NKAIN2: variants seen among roughly 807,000 people sequenced by gnomAD.
NKAIN2 encodes sodium/potassium transporting ATPase interacting 2, also known as sodium/potassium-transporting ATPase subunit beta-1-interacting protein 2.
In NKAIN2, 14 loss-of-function variants were observed where a neutral mutation model predicts 32.6. That is an observed-to-expected ratio of 0.43 (90% CI 0.28 to 0.67). The LOEUF is 0.67. NKAIN2 is among the 30% of genes least tolerant of loss of function. The probability of loss-of-function intolerance (pLI) is 0.17; values close to 1 mark genes in which losing one functional copy is unlikely to be tolerated. For missense variants in NKAIN2, 198 were observed against 258.3 expected, an observed-to-expected ratio of 0.77 and a Z score of 1.60; for synonymous variants, 80 against 87.2, an observed-to-expected ratio of 0.92 and a Z score of 0.46.
At chr6:124,432,346 T>C (rs540276667) in intron 3 of NKAIN2, among the ~76,000 whole-genome samples, 1 of 152,334 alleles carries the variant, frequency 6.6e-6, no homozygotes, top group South Asian at 2.1e-4. Flanking sequence ...TTCTGTTCCA[T>C]AACTAGGTTC....
At chr6:124,529,537 G>T (rs1011011654) in intron 3 of NKAIN2, among the ~76,000 whole-genome samples, 1 of 152,068 alleles carries the variant, frequency 6.6e-6, no homozygotes, top group African/African-American at 2.4e-5. Context: ...ATGGTGGTTC[G>T]GTCTCCTCGA....
chr6:124,332,296 T>G (rs1411865891), intron 2 of NKAIN2, among the ~76,000 whole-genome samples: 2 of 152,038 alleles, frequency 1.3e-5, no homozygotes, highest in African/African-American at 4.8e-5. Flanking sequence ...ATATTCTTCA[T>G]GGATAGTGAA....
intron 4 of NKAIN2, among the ~76,000 whole-genome samples, chr6:124,659,692 T>G (rs936296870): frequency 6.6e-6 from 1 of 152,026 alleles, no homozygotes; most frequent in Non-Finnish European, 1.5e-5. Flanking sequence ...TGGGTTACTG[T>G]GCCAGAAAGT....
intron 2 of NKAIN2, among the ~76,000 whole-genome samples, chr6:124,297,829 C>T (rs1049718866): frequency 6.6e-6 from 1 of 152,010 alleles, no homozygotes; most frequent in Admixed American, 6.6e-5. Context: ...ATCATTTCTT[C>T]TCTAAAACCC....
chr6:124,645,087 G>A (rs1393925564), intron 3 of NKAIN2, among the ~76,000 whole-genome samples: 1 of 152,162 alleles, frequency 6.6e-6, no homozygotes, highest in African/African-American at 2.4e-5. Context: ...ACAAATTGAT[G>A]TTAAAGAATT....
At chr6:124,689,579 C>G (rs1774161278) in intron 4 of NKAIN2, among the ~76,000 whole-genome samples, 1 of 151,952 alleles carries the variant, frequency 6.6e-6, no homozygotes, top group Admixed American at 6.6e-5. Context: ...CTTCTAGAAG[C>G]TTTATAGTTT....
At position 123,813,055 on chromosome 6, in the gene NKAIN2, C is replaced by T. The variant is rs573051103; in HGVS notation, c.54+8801C>T. Among the ~76,000 whole-genome samples the T allele has an allele frequency of 1.1e-4, 16 of 152,318 alleles. 1 individual carries two copies. In the South Asian group the frequency reaches 2.7e-3, roughly 26 times the overall value. On this transcript the variant is annotated intron_variant, in intron 1 of 6. Transcript: ENST00000368417. ...GGAATTCATAGTATCCTAACCTACA[C>T]GGGCTTGCAGCCATAAGAGTTATAC...
chr6:124,413,607 G>A (rs1774322988), intron 3 of NKAIN2, among the ~76,000 whole-genome samples: 1 of 152,092 alleles, frequency 6.6e-6, no homozygotes, highest in Admixed American at 6.6e-5. Context: ...ATTGGGATAG[G>A]GATTGCACTA....
At chr6:124,320,094 C>T (rs778110114) in intron 2 of NKAIN2, among the ~76,000 whole-genome samples, 1 of 152,262 alleles carries the variant, frequency 6.6e-6, no homozygotes, top group East Asian at 1.9e-4. Context: ...CAAAGCTGAG[C>T]TTGCTCTTTT....
chr6:124,451,840 T>C (rs1776119999), intron 3 of NKAIN2, among the ~76,000 whole-genome samples: 1 of 152,090 alleles, frequency 6.6e-6, no homozygotes, highest in South Asian at 2.1e-4. Flanking sequence ...TTTCTTATAC[T>C]GAATTTTCCT....
intron 3 of NKAIN2, among the ~76,000 whole-genome samples, chr6:124,393,548 G>A (rs1323435003): frequency 6.6e-6 from 1 of 152,058 alleles, no homozygotes; most frequent in Non-Finnish European, 1.5e-5. Flanking sequence ...AAATAATAGA[G>A]CATTGCTGAA....
At chr6:123,929,530 T>C (rs1260591066) in intron 1 of NKAIN2, among the ~76,000 whole-genome samples, 1 of 152,144 alleles carries the variant, frequency 6.6e-6, no homozygotes, top group East Asian at 1.9e-4. Flanking sequence ...ATCTAACTTT[T>C]TGCATGTTCA....
chr6:124,689,658 A>G (rs905166422), intron 4 of NKAIN2, among the ~76,000 whole-genome samples: 7 of 152,088 alleles, frequency 4.6e-5, no homozygotes, highest in African/African-American at 1.7e-4. Context: ...GTCTATGTTT[A>G]GATTCATTCT....
chr6:124,777,338 A>G (rs1201688793), intron 4 of NKAIN2, among the ~76,000 whole-genome samples: 3 of 152,202 alleles, frequency 2.0e-5, no homozygotes, highest in Non-Finnish European at 4.4e-5. Context: ...AGAGTGGTTA[A>G]GAACATGGAT....
At chr6:124,735,078 A>G (rs575548534) in intron 4 of NKAIN2, among the ~76,000 whole-genome samples, 1 of 152,024 alleles carries the variant, frequency 6.6e-6, no homozygotes, top group East Asian at 1.9e-4. Context: ...AAAATATGAG[A>G]AAAAAATTTA....
chr6:124,208,826 T>G (rs1791028739), intron 1 of NKAIN2, among the ~76,000 whole-genome samples: 1 of 151,714 alleles, frequency 6.6e-6, no homozygotes, highest in African/African-American at 2.4e-5. Context: ...CTTTTATTGT[T>G]AATTATTATG....
At chr6:124,067,207 C>A (rs924628871) in intron 1 of NKAIN2, among the ~76,000 whole-genome samples, 6 of 152,050 alleles carry the variant, frequency 3.9e-5, no homozygotes, top group African/African-American at 1.4e-4. Context: ...AGCTGGGCAC[C>A]CTTCCTAGAA....
intron 1 of NKAIN2, among the ~76,000 whole-genome samples, chr6:123,833,964 G>T (rs1582617277): frequency 1.3e-5 from 2 of 151,896 alleles, no homozygotes; most frequent in East Asian, 3.9e-4. Flanking sequence ...CCGACCTCTT[G>T]ATCCACCCGC....
chr6:124,725,348 C>T (rs1235533253), intron 4 of NKAIN2, among the ~76,000 whole-genome samples: 2 of 152,120 alleles, frequency 1.3e-5, no homozygotes, highest in Non-Finnish European at 2.9e-5. Context: ...AAGCAATCCT[C>T]CCACCTTGGC....
Sources: allele counts gnomAD v4.1 joint callset (sites outside exome capture counted in the v4.1 genomes callset), GRCh38; gene constraint gnomAD v4.1.1; transcripts MANE v1.5; gene names NCBI Gene and HGNC (gene_info 2026-07-23, HGNC 2026-07-21).